The following ETNK1 variants were observed in gnomAD, a reference collection of about 807,000 sequenced individuals.
The protein encoded by ETNK1 is putative protein product of Nbla10396.
In ETNK1, 8 loss-of-function variants were observed where a neutral mutation model predicts 45.1. The ratio of observed to expected loss-of-function variants is 0.18; its 90% CI spans 0.10 to 0.32. The LOEUF is 0.32. ETNK1 is among the 10% of genes least tolerant of loss of function. The probability of loss-of-function intolerance (pLI) is 1.00; values close to 1 mark genes in which losing one functional copy is unlikely to be tolerated. For synonymous variants in ETNK1, 152 were observed against 151.9 expected (o/e 1.00, Z -0.01); for missense variants, 302 against 430.6 (o/e 0.70, Z 2.64).
chr12:22,679,495 C>T (rs921897352), intron 6 of ETNK1, among the ~76,000 whole-genome samples: 1 of 152,128 alleles, frequency 6.6e-6, no homozygotes, highest in Non-Finnish European at 1.5e-5. Flanking sequence ...AAATGTCAGT[C>T]TCCTCTGGCA....
At chr12:22,629,927 A>G (rs1241929417) in intron 1 of ETNK1, among the ~76,000 whole-genome samples, 1 of 152,120 alleles carries the variant, frequency 6.6e-6, no homozygotes, top group Admixed American at 6.5e-5. Flanking sequence ...AAAGTATATA[A>G]TGTTTAATAG....
chr12:22,647,852 G>GAGTATGGAATTTTAAAGCA (rs1282497769), intron 2 of ETNK1, among the ~76,000 whole-genome samples: 2 of 151,848 alleles, frequency 1.3e-5, no homozygotes, highest in Non-Finnish European at 2.9e-5. Context: ...TGGCTTTAAC[G>GAGTATGGAATTTTAAAGCA]AGTATGGAAT....
At chr12:22,651,870 A>G (rs1953880826) in intron 2 of ETNK1, among the ~76,000 whole-genome samples, 1 of 151,842 alleles carries the variant, frequency 6.6e-6, no homozygotes, top group Admixed American at 6.6e-5. Context: ...ATTTTTTAGT[A>G]GAGACGGGTT....
At chr12:22,684,451 A>T in intron 6 of ETNK1, 32 bp from the exon 7 acceptor site, 2 of 1,493,828 alleles carry the variant, frequency 1.3e-6, no homozygotes, top group Non-Finnish European at 1.9e-6. Context: ...ATTCATTATC[A>T]TAATTTTTGA....
At chr12:22,678,910 T>G (rs1337587252) in intron 6 of ETNK1, among the ~76,000 whole-genome samples, 1 of 152,210 alleles carries the variant, frequency 6.6e-6, no homozygotes, top group Non-Finnish European at 1.5e-5. Flanking sequence ...TATGTTTATA[T>G]GTATTTTGAA....
At chr12:22,645,573 A>T (rs12315107) in intron 2 of ETNK1, among the ~76,000 whole-genome samples, 22,445 of 151,594 alleles carry the variant, frequency 0.15, 2,816 homozygotes, top group East Asian at 0.71. Context: ...AGATCTTTTT[A>T]AAAATATATT....
intron 4 of ETNK1, among the ~76,000 whole-genome samples, chr12:22,670,876 GT>G (rs1954101021): frequency 1.3e-5 from 2 of 152,150 alleles, no homozygotes; most frequent in Non-Finnish European, 1.5e-5. Flanking sequence ...GTATCATAAA[GT>G]TTTTGTTAAA....
At chr12:22,668,553 G>A (rs1343176856) in intron 4 of ETNK1, among the ~76,000 whole-genome samples, 2 of 151,844 alleles carry the variant, frequency 1.3e-5, no homozygotes, top group Admixed American at 6.6e-5. Flanking sequence ...TAAGCTTTGT[G>A]TCTTGTACAA....
At chr12:22,683,055 T>C (rs1954228032) in intron 6 of ETNK1, among the ~76,000 whole-genome samples, 2 of 152,220 alleles carry the variant, frequency 1.3e-5, no homozygotes, top group Admixed American at 6.5e-5. Flanking sequence ...ATATTTGTTA[T>C]ATGCCAGCTA....
intron 6 of ETNK1, among the ~76,000 whole-genome samples, chr12:22,678,777 G>A (rs1270783535): frequency 6.6e-6 from 1 of 152,230 alleles, no homozygotes; most frequent in Admixed American, 6.5e-5. Flanking sequence ...GAAGTTGGAC[G>A]TTAATGTTGT....
intron 6 of ETNK1, among the ~76,000 whole-genome samples, chr12:22,677,486 T>A: frequency 6.6e-6 from 1 of 152,208 alleles, no homozygotes; most frequent in East Asian, 1.9e-4. Flanking sequence ...TTGTCTTGGC[T>A]ATGCAGGGTC....
rs928865824 is a variant in ETNK1 at position 22,686,253 on chromosome 12, C to T, written c.*1299C>T. ...TTGTATGGAAAGAAGTTAGATCTTT[C>T]AGATAGATAAATAGGCTTCAGGTTT... On this transcript the variant is annotated 3_prime_UTR_variant, in exon 8 of 8. Coordinates refer to ENST00000266517, the MANE Select transcript of ETNK1 (RefSeq NM_018638.5). The T allele has an allele frequency of 2.0e-5, 3 of 152,246 alleles. No individual in the cohort carries two copies. The highest frequency in any genetic ancestry group is 6.6e-5 in the Admixed American group (1 of 15,224). 9.4% of individuals were successfully genotyped at this position (152,246 alleles called of 1,614,324 possible).
At chr12:22,647,817 T>C (rs1014679075) in intron 2 of ETNK1, among the ~76,000 whole-genome samples, 10 of 151,984 alleles carry the variant, frequency 6.6e-5, no homozygotes, top group African/African-American at 2.4e-4. Context: ...AGGAATTCTC[T>C]GAAGCCTTGA....
intron 1 of ETNK1, among the ~76,000 whole-genome samples, chr12:22,640,848 G>C (rs897625061): frequency 6.6e-6 from 1 of 152,112 alleles, no homozygotes; most frequent in Non-Finnish European, 1.5e-5. Context: ...TGAAATACTT[G>C]ACAAATAGTG....
intron 7 of ETNK1, 48 bp downstream of exon 7, chr12:22,684,604 G>A (rs1446516362): frequency 8.1e-7 from 1 of 1,230,986 alleles, no homozygotes; most frequent in Admixed American, 2.0e-5. Context: ...GCTTTTGTTT[G>A]GATTAACATT....
chr12:22,667,172 G>T (rs567955363), intron 4 of ETNK1, among the ~76,000 whole-genome samples: 7 of 152,034 alleles, frequency 4.6e-5, no homozygotes, highest in Admixed American at 3.9e-4. Context: ...CCTAATATAG[G>T]TACTAGTTTG....
chr12:22,644,231 G>A lies in ETNK1; in HGVS notation c.416+209G>A, dbSNP rs185391997. ...TGCAGTTTATCATCGTTGACTCTTT[G>A]CAAAGGAAAAACTACAAGATGTTTT... On this transcript the variant is annotated intron_variant, in intron 2 of 7. Transcript: ENST00000266517. The A allele has an allele frequency of 1.3e-4, 210 of 1,606,092 alleles. No homozygotes were observed. In the African/African-American group the frequency reaches 2.3e-3, roughly 18 times the overall value.
chr12:22,625,769 C>T (rs1174057497), intron 1 of ETNK1, 183 bp downstream of exon 1: 5 of 889,716 alleles, frequency 5.6e-6, no homozygotes, highest in Non-Finnish European at 9.0e-6. Flanking sequence ...CTTCCCGTCG[C>T]AGTTGCTCTT....
At chr12:22,638,994 A>G (rs1366425752) in intron 1 of ETNK1, 1 of 152,110 alleles carries the variant, frequency 6.6e-6, no homozygotes, top group Non-Finnish European at 1.5e-5. Context: ...ACTGTTTAAT[A>G]GTCAGTTCAT....
Sources: allele counts gnomAD v4.1 joint callset (sites outside exome capture counted in the v4.1 genomes callset), GRCh38; gene constraint gnomAD v4.1.1; transcripts MANE v1.5; gene names NCBI Gene and HGNC (gene_info 2026-07-23, HGNC 2026-07-21).